Variants in WSCD2 observed in about 807,000 individuals in gnomAD.
The protein encoded by WSCD2 is WSC domain sialate O sulfotransferase 2, also known as sialate:O-sulfotransferase 2.
WSCD2 carries 28 observed loss-of-function variants against 55.7 expected under a neutral mutation model. The observed-to-expected ratio is 0.50, with a 90% confidence interval of 0.37 to 0.69. The LOEUF (loss-of-function observed/expected upper bound fraction) is 0.69, where lower values mean the gene tolerates loss of function less well. WSCD2 is among the 30% of genes least tolerant of loss of function. The pLI is 0.00. For synonymous variants in WSCD2, 301 were observed against 301.9 expected (o/e 1.00, Z 0.03); for missense variants, 616 against 762.1 (o/e 0.81, Z 2.26).
rs186194461 is a variant in WSCD2, at chr12:108,205,178, C to G, written c.383-1111C>G. On this transcript the variant is annotated intron_variant, in intron 2 of 8. Transcript: ENST00000547525. ...CACATGGGGGCATTACAAAGATCCC[C>G]CAACTCAAAAAGCAAGCAGTTCAGA... is the stretch of plus-strand genomic sequence containing the variant. Among the ~76,000 whole-genome samples the G allele has an allele frequency of 5.5e-4, 83 of 152,272 alleles. 1 individual carries two copies. The highest frequency in any genetic ancestry group is 1.9e-3 in the African/African-American group (77 of 41,554).
intron 1 of WSCD2, among the ~76,000 whole-genome samples, chr12:108,164,802 A>G (rs1879447138): frequency 6.6e-6 from 1 of 152,182 alleles, no homozygotes; most frequent in African/African-American, 2.4e-5. Flanking sequence ...CACAATGCTT[A>G]GGAGACAAGG....
chr12:108,224,525 G>A (rs993122382), intron 4 of WSCD2, among the ~76,000 whole-genome samples: 3 of 152,358 alleles, frequency 2.0e-5, no homozygotes, highest in Middle Eastern at 3.4e-3. Flanking sequence ...GGCCAGGGTT[G>A]AGGAGAACAT....
intron 1 of WSCD2, among the ~76,000 whole-genome samples, chr12:108,164,674 T>A (rs1879435956): frequency 6.6e-6 from 1 of 152,184 alleles, no homozygotes; most frequent in African/African-American, 2.4e-5. Context: ...GGTATGTGAA[T>A]GTTTCGCTTC....
chr12:108,169,360 T>C (rs1482041663), intron 1 of WSCD2, among the ~76,000 whole-genome samples: 1 of 152,010 alleles, frequency 6.6e-6, no homozygotes, highest in African/African-American at 2.4e-5. Flanking sequence ...GGAAAAATTG[T>C]CTTCAGTGAA....
intron 1 of WSCD2, among the ~76,000 whole-genome samples, chr12:108,139,765 A>C (rs1328935209): frequency 6.6e-6 from 1 of 152,216 alleles, no homozygotes; most frequent in Non-Finnish European, 1.5e-5. Context: ...ATTAGTAGGG[A>C]GAGAACAAGC....
intron 1 of WSCD2, among the ~76,000 whole-genome samples, chr12:108,181,820 G>A (rs1428780587): frequency 2.6e-5 from 4 of 152,194 alleles, no homozygotes; most frequent in Non-Finnish European, 5.9e-5. Context: ...ATACAAACGT[G>A]CAAATAACAA....
At chr12:108,238,408 A>G (rs1171040468) in intron 7 of WSCD2, among the ~76,000 whole-genome samples, 1 of 152,178 alleles carries the variant, frequency 6.6e-6, no homozygotes, top group East Asian at 1.9e-4. Flanking sequence ...CTGCACCTCT[A>G]TGGACCCCTG....
intron 3 of WSCD2, 141 bp from the exon 4 acceptor site, chr12:108,209,980 C>T: frequency 1.0e-5 from 12 of 1,178,094 alleles, no homozygotes; most frequent in Non-Finnish European, 1.4e-5. Context: ...GTTGCCCCAA[C>T]CTCCCATCAG....
At chr12:108,164,434 A>G (rs1026814723) in intron 1 of WSCD2, among the ~76,000 whole-genome samples, 4 of 151,646 alleles carry the variant, frequency 2.6e-5, no homozygotes, top group Non-Finnish European at 5.9e-5. Flanking sequence ...GCTTGATGTT[A>G]TTTTTATAAA....
chr12:108,193,812 T>C (rs964508497), intron 1 of WSCD2, among the ~76,000 whole-genome samples: 8 of 152,184 alleles, frequency 5.3e-5, no homozygotes, highest in Non-Finnish European at 1.2e-4. Flanking sequence ...AAGGCATGGA[T>C]TTTTGTCTGT....
At chr12:108,130,764 G>A (rs755501888) in intron 1 of WSCD2, among the ~76,000 whole-genome samples, 1 of 152,084 alleles carries the variant, frequency 6.6e-6, no homozygotes, top group African/African-American at 2.4e-5. Context: ...AGCCTGGGGA[G>A]GTGCAAACTT....
chr12:108,233,376 TC>T (rs1364871883), intron 7 of WSCD2, among the ~76,000 whole-genome samples: 1 of 152,214 alleles, frequency 6.6e-6, no homozygotes, highest in Non-Finnish European at 1.5e-5. Flanking sequence ...CTATTTTCAT[TC>T]CATTCACAGA....
intron 8 of WSCD2, among the ~76,000 whole-genome samples, chr12:108,247,088 A>C (rs1432922439): frequency 6.6e-6 from 1 of 152,132 alleles, no homozygotes; most frequent in Admixed American, 6.6e-5. Context: ...ACACAGAAAA[A>C]CTTAGTACTT....
At chr12:108,168,431 C>A (rs1487786210) in intron 1 of WSCD2, among the ~76,000 whole-genome samples, 2 of 152,232 alleles carry the variant, frequency 1.3e-5, no homozygotes, top group African/African-American at 4.8e-5. Context: ...CACCCCTACA[C>A]ATCTCTTATC....
At chr12:108,198,317 T>C (rs1308681609) in intron 2 of WSCD2, among the ~76,000 whole-genome samples, 1 of 152,184 alleles carries the variant, frequency 6.6e-6, no homozygotes, top group Non-Finnish European at 1.5e-5. Context: ...AATGAATGAC[T>C]ATCCCTTTGC....
chr12:108,195,683 C>A lies in WSCD2; in HGVS notation c.-150C>A. Reference sequence around the variant, plus strand: ...CAAGCATTGAACTTGCCCTCCCCTTCTGGCCTTGGTGATCACTTTTTCAGG... The same window carrying A: ...CAAGCATTGAACTTGCCCTCCCCTTATGGCCTTGGTGATCACTTTTTCAGG... On this transcript the variant is annotated 5_prime_UTR_variant, in exon 2 of 9. The change creates a new upstream start codon in the 5' untranslated region. Coordinates refer to ENST00000547525, the MANE Select transcript of WSCD2 (RefSeq NM_014653.4). The A allele has an allele frequency of 8.8e-7, 1 of 1,137,392 alleles. No individual in the cohort carries two copies. The allele number at this position is 1,137,392 out of a possible 1,614,324, so 70.5% of individuals were successfully genotyped here.
intron 1 of WSCD2, among the ~76,000 whole-genome samples, chr12:108,134,909 G>A (rs1876014018): frequency 6.6e-6 from 1 of 152,112 alleles, no homozygotes; most frequent in African/African-American, 2.4e-5. Flanking sequence ...TCTGGGATTT[G>A]CACACAGATC....
intron 8 of WSCD2, among the ~76,000 whole-genome samples, chr12:108,241,837 T>C (rs888098128): frequency 6.6e-6 from 1 of 152,168 alleles, no homozygotes; most frequent in African/African-American, 2.4e-5. Context: ...AGTCACTAAA[T>C]TGTAGATATT....
rs371582162 is a variant in WSCD2, at chr12:108,204,797, T to C, written c.383-1492T>C. 1.5e-4 allele frequency among the ~76,000 whole-genome samples: 23 copies of C among 152,350 alleles called. No individual in the cohort carries two copies. In the East Asian group the frequency reaches 4.0e-3, roughly 27 times the overall value. ...AAAAATAGTGCACTTAGCAGAGCCGTGTTCAGGGGAATGATTGCTCAGTAA... is the reference window on the plus strand; with the variant it reads ...AAAAATAGTGCACTTAGCAGAGCCGCGTTCAGGGGAATGATTGCTCAGTAA... On this transcript the variant is annotated intron_variant, in intron 2 of 8. Transcript: ENST00000547525.
Sources: allele counts gnomAD v4.1 joint callset (sites outside exome capture counted in the v4.1 genomes callset), GRCh38; gene constraint gnomAD v4.1.1; transcripts MANE v1.5; gene names NCBI Gene and HGNC (gene_info 2026-07-23, HGNC 2026-07-21).